COLGALT2: variants seen among roughly 807,000 people sequenced by gnomAD.
COLGALT2 encodes the protein procollagen galactosyltransferase 2.
Under a neutral mutation model 73.4 loss-of-function variants are expected in COLGALT2, and 49 were observed. That is an observed-to-expected ratio of 0.67 (90% CI 0.53 to 0.85). The LOEUF (loss-of-function observed/expected upper bound fraction) is 0.85, where lower values mean the gene tolerates loss of function less well. Ranked by LOEUF, COLGALT2 falls within the 40% of genes least tolerant of loss-of-function variation. The pLI, the probability that COLGALT2 is intolerant of heterozygous loss-of-function variation, is 0.00. For synonymous variants in COLGALT2, 295 were observed against 307.6 expected (o/e 0.96, Z 0.43); for missense variants, 722 against 790.2 (o/e 0.91, Z 1.03).
chr1:183,933,159 C>G (rs1669881136), downstream of COLGALT2, among the ~76,000 whole-genome samples: 1 of 152,184 alleles, frequency 6.6e-6, no homozygotes, highest in Non-Finnish European at 1.5e-5. Context: ...CCATTTGAAG[C>G]CTCCCTCCTA....
At chr1:184,013,371 G>T (rs1383991170) in intron 1 of COLGALT2, among the ~76,000 whole-genome samples, 1 of 152,154 alleles carries the variant, frequency 6.6e-6, no homozygotes, top group Admixed American at 6.6e-5. Context: ...CACACAATAG[G>T]TCTCAGCCCA....
chr1:183,938,863 C>G lies in COLGALT2; in HGVS notation c.1779G>C (p.Trp593Cys). Residue 593 changes from tryptophan (W) to cysteine (C), a missense_variant, in exon 12 of 12, where the codon TGG becomes TGC. Coordinates refer to ENST00000361927, the MANE Select transcript of COLGALT2 (RefSeq NM_015101.4). ...AGATGCGGCTTTGCTTCCGGGACTT[C>G]CAGGCATGTGTCCTATCCCAGTCGG... ...VATDWDRTHAWKSRKQSRIYS... is the reference protein window; with the variant it reads ...VATDWDRTHACKSRKQSRIYS... The G allele has an allele frequency of 1.2e-6, 2 of 1,614,136 alleles. No homozygotes were observed. Among genetic ancestry groups the G allele is most frequent in the Non-Finnish European group, 1.7e-6 (2 of 1,180,020 alleles).
At position 183,938,313 on chromosome 1, in the gene COLGALT2, A is replaced by T; in HGVS notation, c.*448T>A. 2 of 991,078 alleles carry T rather than the reference A, an allele frequency of 2.0e-6. No homozygotes were observed. Among genetic ancestry groups the T allele is most frequent in the Non-Finnish European group, 2.4e-6 (2 of 833,212 alleles). 61.4% of individuals were successfully genotyped at this position (991,078 alleles called of 1,614,324 possible). ...CTGTCCCCCAAAAGTTGCACACACA[A>T]GTTTTCAATGTCATATAAAACGGAC... On this transcript the variant is annotated 3_prime_UTR_variant, in exon 12 of 12. Coordinates refer to ENST00000361927, the MANE Select transcript of COLGALT2 (RefSeq NM_015101.4).
At chr1:183,959,591 C>A (rs1427877069) in intron 6 of COLGALT2, among the ~76,000 whole-genome samples, 1 of 151,986 alleles carries the variant, frequency 6.6e-6, no homozygotes, top group Non-Finnish European at 1.5e-5. Flanking sequence ...CAACTCCTTG[C>A]TAGAGCTCAC....
intron 5 of COLGALT2, chr1:183,964,590 A>G (rs893831060): frequency 5.9e-5 from 9 of 152,510 alleles, no homozygotes; most frequent in African/African-American, 1.4e-4. Context: ...AACAGACATG[A>G]AACTTCCAAA....
At chr1:183,972,225 C>T (rs2102814820) in intron 4 of COLGALT2, among the ~76,000 whole-genome samples, 1 of 152,296 alleles carries the variant, frequency 6.6e-6, no homozygotes, top group East Asian at 1.9e-4. Context: ...CCCTGCTCAG[C>T]CTCCCGAATA....
chr1:184,008,230 T>C (rs1032385823), intron 1 of COLGALT2, among the ~76,000 whole-genome samples: 2 of 152,178 alleles, frequency 1.3e-5, no homozygotes, highest in Non-Finnish European at 2.9e-5. Flanking sequence ...GAATATTTTA[T>C]AAATGACAGG....
At chr1:184,011,714 C>T (rs1188375825) in intron 1 of COLGALT2, among the ~76,000 whole-genome samples, 1 of 152,200 alleles carries the variant, frequency 6.6e-6, no homozygotes. Flanking sequence ...AGTCAGTAGG[C>T]AGCTCTCTCG....
chr1:183,952,050 C>T (rs74133056), intron 7 of COLGALT2, among the ~76,000 whole-genome samples: 2,480 of 152,278 alleles, frequency 0.016, 65 homozygotes, highest in African/African-American at 0.056. Flanking sequence ...CACACATTTA[C>T]AGCCAACTCA....
In COLGALT2 at chr1:183,938,409, G is replaced by A. The variant is rs1295651865; in HGVS notation, c.*352C>T. ...TACATATTTGCTGATGTGACAGCTC[G>A]GTGATCACTTTCTCTTGAACAAGAC... On this transcript the variant is annotated 3_prime_UTR_variant, in exon 12 of 12. Transcript: ENST00000361927. 12 of 1,074,292 alleles carry A rather than the reference G, an allele frequency of 1.1e-5. No individual in the cohort carries two copies. The highest frequency in any genetic ancestry group is 4.9e-5 in the African/African-American group (3 of 61,204). 66.5% of individuals were successfully genotyped at this position (1,074,292 alleles called of 1,614,324 possible). A position where few individuals can be genotyped will look rare whatever the true frequency, so the allele number is the denominator to read the frequency against.
intron 1 of COLGALT2, among the ~76,000 whole-genome samples, chr1:183,984,328 C>T (rs1671430493): frequency 6.6e-6 from 1 of 152,184 alleles, no homozygotes; most frequent in East Asian, 1.9e-4. Flanking sequence ...TTGCTTGTAC[C>T]CGGGAGGCGG....
intron 7 of COLGALT2, among the ~76,000 whole-genome samples, chr1:183,954,181 C>G (rs1670489097): frequency 6.6e-6 from 1 of 152,200 alleles, no homozygotes; most frequent in Non-Finnish European, 1.5e-5. Flanking sequence ...CTGCTTCATT[C>G]TTTATACAAC....
At chr1:184,005,512 C>A (rs948617822) in intron 1 of COLGALT2, among the ~76,000 whole-genome samples, 2 of 152,182 alleles carry the variant, frequency 1.3e-5, no homozygotes, top group African/African-American at 4.8e-5. Flanking sequence ...GGGATCTAGC[C>A]TAGGTATCAA....
At chr1:183,935,832 T>A, downstream of COLGALT2, 1 of 984,990 alleles carries the variant, frequency 1.0e-6, no homozygotes, top group Non-Finnish European at 1.2e-6. Context: ...GACAATCATA[T>A]CTTTGAGCTA....
At position 183,937,109 on chromosome 1, in the gene COLGALT2, C is replaced by T. The variant is rs1456346884; in HGVS notation, c.*1652G>A. ...TGTCTGGCTTAAAGTGTATCTTACA[C>T]TCGTACACTAAGCTTGTGTATGTAG... is the stretch of plus-strand genomic sequence containing the variant. On this transcript the variant is annotated 3_prime_UTR_variant, in exon 12 of 12. Coordinates refer to ENST00000361927, the MANE Select transcript of COLGALT2 (RefSeq NM_015101.4). The T allele has an allele frequency of 1.7e-5, 21 of 1,230,552 alleles. No homozygotes were observed. Among genetic ancestry groups the T allele is most frequent in the Middle Eastern group, 6.2e-4 (2 of 3,226 alleles). The allele number at this position is 1,230,552 out of a possible 1,614,324, so 76.2% of individuals were successfully genotyped here.
intron 1 of COLGALT2, among the ~76,000 whole-genome samples, chr1:184,007,615 A>G (rs778279680): frequency 2.0e-4 from 31 of 152,138 alleles, no homozygotes; most frequent in Non-Finnish European, 4.3e-4. Context: ...TGCCCTCCTA[A>G]TATGTTCCTT....
chr1:183,968,354 G>A (rs1670936651), intron 5 of COLGALT2, among the ~76,000 whole-genome samples: 1 of 152,156 alleles, frequency 6.6e-6, no homozygotes. Flanking sequence ...AGCAAGTGTA[G>A]GGTGAAATGA....
At chr1:184,026,072 T>C (rs1401793586) in intron 1 of COLGALT2, among the ~76,000 whole-genome samples, 1 of 152,222 alleles carries the variant, frequency 6.6e-6, no homozygotes, top group East Asian at 1.9e-4. Flanking sequence ...ATTTCCCTTA[T>C]GTTACAGGAG....
At position 183,978,442 on chromosome 1, in the gene COLGALT2, G is replaced by A. The variant is rs1239185409; in HGVS notation, c.342C>T (p.His114=). The A allele has an allele frequency of 3.1e-6, 5 of 1,610,942 alleles. No homozygotes were observed. The highest frequency in any genetic ancestry group is 3.4e-6 in the Non-Finnish European group (4 of 1,177,556). The part of the protein sequence containing the change: ...EWLKNVQRLY[H]YVEWRPMDEP... ...CATCCATAGGCCTCCACTCCACATA[G>A]TGATAGAGTCTCTGTACATTTTTCA... The change falls in exon 2 of 12, where the codon CAC becomes CAT. Residue 114 remains histidine (H), a synonymous_variant. Coordinates refer to ENST00000361927, the MANE Select transcript of COLGALT2 (RefSeq NM_015101.4).
Sources: gnomAD v4.1 joint callset for allele counts (sites outside exome capture counted in the v4.1 genomes callset) on GRCh38, gnomAD v4.1.1 for gene constraint, MANE v1.5 for transcripts, NCBI Gene and HGNC (gene_info 2026-07-23, HGNC 2026-07-21) for gene names.